EML4: variants seen among roughly 807,000 people sequenced by gnomAD.
The protein encoded by EML4 is echinoderm microtubule-associated protein-like 4.
EML4 carries 72 observed loss-of-function variants against 129.0 expected under a neutral mutation model. That is an observed-to-expected ratio of 0.56 (90% CI 0.46 to 0.68). The LOEUF (loss-of-function observed/expected upper bound fraction) is 0.68. EML4 is among the 30% of genes least tolerant of loss of function. The pLI is 0.00. For synonymous variants in EML4, 532 were observed against 405.0 expected, an observed-to-expected ratio of 1.31 and a Z score of -3.77; for missense variants, 1,363 against 1,190.6, an observed-to-expected ratio of 1.14 and a Z score of -2.13.
chr2:42,237,390 G>A (rs1313503678), intron 1 of EML4, among the ~76,000 whole-genome samples: 1 of 151,882 alleles, frequency 6.6e-6, no homozygotes, highest in Non-Finnish European at 1.5e-5. Flanking sequence ...GTCTTTTTTG[G>A]ACCTTCCTGT....
intron 1 of EML4, among the ~76,000 whole-genome samples, chr2:42,241,215 A>G (rs528754366): frequency 2.6e-5 from 4 of 152,250 alleles, no homozygotes; most frequent in South Asian, 4.1e-4. Flanking sequence ...TTAATGCACT[A>G]TTCTACCACA....
At chr2:42,323,502 A>T (rs926638712) in intron 19 of EML4, among the ~76,000 whole-genome samples, 1 of 152,224 alleles carries the variant, frequency 6.6e-6, no homozygotes, top group Non-Finnish European at 1.5e-5. Flanking sequence ...CCCATACAGC[A>T]CTATGGTGGA....
At chr2:42,217,735 C>G (rs1411780481) in intron 1 of EML4, among the ~76,000 whole-genome samples, 1 of 152,142 alleles carries the variant, frequency 6.6e-6, no homozygotes, top group Non-Finnish European at 1.5e-5. Context: ...TGCTTGATTG[C>G]TGAACTGTAG....
chr2:42,278,823 C>G (rs972192410), intron 6 of EML4, among the ~76,000 whole-genome samples: 4 of 151,906 alleles, frequency 2.6e-5, no homozygotes, highest in African/African-American at 9.7e-5. Flanking sequence ...ATAATCCCAG[C>G]TACTCGGGAG....
chr2:42,321,908 G>T (rs1262449413), intron 19 of EML4, among the ~76,000 whole-genome samples: 2 of 152,176 alleles, frequency 1.3e-5, no homozygotes, highest in Non-Finnish European at 2.9e-5. Flanking sequence ...ATTGCTGAAA[G>T]ACATAACTAA....
chr2:42,169,493 G>C lies in EML4; in HGVS notation c.-119G>C, dbSNP rs1046911336. 3 of 1,241,240 alleles carry C rather than the reference G, an allele frequency of 2.4e-6. No individual in the cohort carries two copies. Among genetic ancestry groups the C allele is most frequent in the South Asian group, 2.9e-5 (2 of 69,104 alleles). 76.9% of individuals were successfully genotyped at this position (1,241,240 alleles called of 1,614,324 possible). On this transcript the variant is annotated 5_prime_UTR_variant, in exon 1 of 23. Transcript: ENST00000318522. ...GGACGGACGACGGAGGCGGGAGCCG[G>C]TAGCCGAGCCGGGCGACCTAGAGAA...
intron 5 of EML4, among the ~76,000 whole-genome samples, chr2:42,263,741 A>T (rs1315234904): frequency 7.2e-6 from 1 of 139,348 alleles, no homozygotes; most frequent in Non-Finnish European, 1.6e-5. Flanking sequence ...ATTATAATTT[A>T]TACTTCTCTT....
At chr2:42,275,115 G>T (rs1301693062) in intron 6 of EML4, among the ~76,000 whole-genome samples, 1 of 152,220 alleles carries the variant, frequency 6.6e-6, no homozygotes, top group Non-Finnish European at 1.5e-5. Flanking sequence ...ATATGTAATT[G>T]AAATTTTTCT....
chr2:42,328,828 C>T (rs1669944120), intron 21 of EML4, 58 bp from the exon 22 acceptor site: 2 of 1,361,796 alleles, frequency 1.5e-6, no homozygotes, highest in African/African-American at 2.9e-5. Context: ...ACATATATAG[C>T]ATCACAGTTA....
chr2:42,214,540 T>C (rs1673066448), intron 1 of EML4, among the ~76,000 whole-genome samples: 1 of 152,164 alleles, frequency 6.6e-6, no homozygotes, highest in South Asian at 2.1e-4. Flanking sequence ...TATTGATCTA[T>C]TCTGGTTAAA....
intron 1 of EML4, among the ~76,000 whole-genome samples, chr2:42,199,382 A>C (rs1387824444): frequency 6.6e-6 from 1 of 152,186 alleles, no homozygotes; most frequent in African/African-American, 2.4e-5. Flanking sequence ...ATCAAAACTT[A>C]TATGTAATTT....
chr2:42,323,247 G>T (rs1350134757), intron 19 of EML4, among the ~76,000 whole-genome samples: 1 of 152,098 alleles, frequency 6.6e-6, no homozygotes, highest in Non-Finnish European at 1.5e-5. Context: ...GGCTTCCCCA[G>T]ACGCCAGAGC....
Position 42,192,625 on chromosome 2 carries a change from C to G in EML4, c.25+22989C>G, listed in dbSNP as rs529006221. ...CTTTTATGAAAAAAATCTTGGTCAT[C>G]TCTTGCCTCTTTGATTGCAATATGA... On this transcript the variant is annotated intron_variant, in intron 1 of 22. Coordinates refer to ENST00000318522, the MANE Select transcript of EML4 (RefSeq NM_019063.5). Among the ~76,000 whole-genome samples the G allele has an allele frequency of 2.0e-4, 30 of 152,204 alleles. No homozygotes were observed. In the East Asian group the frequency reaches 2.9e-3, roughly 15 times the overall value.
intron 4 of EML4, among the ~76,000 whole-genome samples, chr2:42,261,711 A>G (rs1008297035): frequency 6.6e-6 from 1 of 152,138 alleles, no homozygotes; most frequent in Non-Finnish European, 1.5e-5. Context: ...TCAACCTGCA[A>G]GGGCCCATCT....
intron 1 of EML4, among the ~76,000 whole-genome samples, chr2:42,219,085 C>G (rs188991996): frequency 1.3e-5 from 2 of 152,216 alleles, no homozygotes. Flanking sequence ...ACACCAATGA[C>G]TCTTGGCCAT....
chr2:42,295,573 G>A (rs1667901449), intron 13 of EML4, 57 bp downstream of exon 13: 4 of 1,491,404 alleles, frequency 2.7e-6, no homozygotes, highest in South Asian at 2.5e-5. Context: ...TACTCTTTCA[G>A]TCCCATCTCT....
At chr2:42,252,674 A>G (rs779517117) in intron 2 of EML4, among the ~76,000 whole-genome samples, 9 of 152,114 alleles carry the variant, frequency 5.9e-5, no homozygotes, top group Non-Finnish European at 1.0e-4. Flanking sequence ...CCGCAAATAC[A>G]TACACTCTCT....
chr2:42,286,339 CTT>C lies in EML4; in HGVS notation c.1085_1086del (p.Phe362Ter). ...ACACTGCAGATTATTGGACTTGGCACTTTTGAGCGTGGAGTAGGATGCCTGGA... is the reference window on the plus strand; with the variant it reads ...ACACTGCAGATTATTGGACTTGGCACTTGAGCGTGGAGTAGGATGCCTGGA... On this transcript the variant is annotated frameshift_variant, in exon 10 of 23. Transcript: ENST00000318522. LOFTEE classifies it high-confidence loss of function. 6.2e-7 allele frequency: 1 copy of C among 1,613,788 alleles called. No homozygotes were observed. The highest frequency in any genetic ancestry group is 8.5e-7 in the Non-Finnish European group (1 of 1,179,736).
chr2:42,261,563 G>A (rs917799100), intron 4 of EML4: 2 of 280,256 alleles, frequency 7.1e-6, no homozygotes, highest in East Asian at 5.7e-5. Flanking sequence ...TAACCTAGTC[G>A]AAAACCAAAC....
Sources: gnomAD v4.1 joint callset for allele counts (sites outside exome capture counted in the v4.1 genomes callset) on GRCh38, gnomAD v4.1.1 for gene constraint, MANE v1.5 for transcripts, NCBI Gene and HGNC (gene_info 2026-07-23, HGNC 2026-07-21) for gene names.